FERMT3: variants seen among roughly 807,000 people sequenced by gnomAD.
FERMT3 encodes the protein FERM domain containing kindlin 3.
Under a neutral mutation model 80.8 loss-of-function variants are expected in FERMT3, and 33 were observed. The observed-to-expected ratio is 0.41, with a 90% CI of 0.31 to 0.55. The LOEUF (loss-of-function observed/expected upper bound fraction) is 0.55, where lower values mean the gene tolerates loss of function less well. Among genes scored for constraint, FERMT3 ranks in the 20% least tolerant of loss-of-function variants. The pLI is 0.31. For synonymous variants in FERMT3, 375 were observed against 372.2 expected, an observed-to-expected ratio of 1.01 and a Z score of -0.09; for missense variants, 754 against 908.7, an observed-to-expected ratio of 0.83 and a Z score of 2.19.
Position 64,211,606 on chromosome 11 carries a change from C to T in FERMT3, c.684-39C>T, listed in dbSNP as rs769195705. 6.2e-7 allele frequency: 1 copy of T among 1,601,574 alleles called. No homozygotes were observed. Among genetic ancestry groups the T allele is most frequent in the Non-Finnish European group, 8.5e-7 (1 of 1,172,406 alleles). ...CCCCCCTCCCCACCCCACGGCCGTA[C>T]CTGGCGCAGCCCTGACTGCTGCTTC... On this transcript the variant is annotated intron_variant, in intron 5 of 14. Transcript: ENST00000345728. The surrounding 1 kb of genome is among the most constrained non-coding windows in gnomAD (Gnocchi z 4.7).
Position 64,220,527 on chromosome 11 carries a change from C to A in FERMT3, c.1403C>A (p.Ala468Asp). ...AGCAGCTACACCAGCGAGGTGCAGG[C>A]CATCCTGGCCTTCCTCAGCCTGCAG... ...ADSSYTSEVQAILAFLSLQRT... is the reference protein window; with the variant it reads ...ADSSYTSEVQDILAFLSLQRT... Residue 468 changes from alanine to aspartate, a missense_variant, in exon 12 of 15, where the codon GCC becomes GAC. Coordinates refer to ENST00000345728, the MANE Select transcript of FERMT3 (RefSeq NM_031471.6). 2 of 1,607,700 alleles carry A rather than the reference C, an allele frequency of 1.2e-6. No homozygotes were observed. The highest frequency in any genetic ancestry group is 1.7e-6 in the Non-Finnish European group (2 of 1,177,472).
In FERMT3 at chr11:64,223,580, G is replaced by C; in HGVS notation, c.*88G>C. 1 of 1,453,338 alleles carries C rather than the reference G, an allele frequency of 6.9e-7. No homozygotes were observed. The highest frequency in any genetic ancestry group is 1.2e-5 in the South Asian group (1 of 82,964). 90.0% of individuals were successfully genotyped at this position (1,453,338 alleles called of 1,614,324 possible). A position where few individuals can be genotyped will look rare whatever the true frequency, so the allele number is the denominator to read the frequency against. ...CACAGGGGCTCACTGCCCCACACCCGCTCCAGGCAGGCACCCAGCTGGGCA... is the reference window on the plus strand; with the variant it reads ...CACAGGGGCTCACTGCCCCACACCCCCTCCAGGCAGGCACCCAGCTGGGCA... On this transcript the variant is annotated 3_prime_UTR_variant, in exon 15 of 15. Transcript: ENST00000345728.
At chr11:64,218,954 A>G (rs1010388783) in intron 6 of FERMT3, among the ~76,000 whole-genome samples, 1 of 152,222 alleles carries the variant, frequency 6.6e-6, no homozygotes, top group African/African-American at 2.4e-5. Flanking sequence ...GCCTTGGATT[A>G]TTTGACTTAT....
In FERMT3 at chr11:64,223,426, G is replaced by C. The variant is rs376424992; in HGVS notation, c.1926G>C (p.Arg642=). ...ACATTTTCCTGTCGACGCGGGAGCG[G>C]GCCCGTGGGGAGGAGCTGGATGAAG... ...GGYIFLSTRE[R]ARGEELDEDL... The change falls in exon 15 of 15, where the codon CGG becomes CGC. Residue 642 remains arginine, a synonymous_variant. Coordinates refer to ENST00000345728, the MANE Select transcript of FERMT3 (RefSeq NM_031471.6). 3.1e-6 allele frequency: 5 copies of C among 1,613,304 alleles called. No individual in the cohort carries two copies. In the African/African-American group the frequency reaches 6.7e-5, roughly 22 times the overall value.
At position 64,210,269 on chromosome 11, in the gene FERMT3, G is replaced by A. The variant is rs1374557069; in HGVS notation, c.161-342G>A. Among the ~76,000 whole-genome samples the A allele has an allele frequency of 1.3e-5, 2 of 152,012 alleles. No individual in the cohort carries two copies. Among genetic ancestry groups the A allele is most frequent in the Middle Eastern group, 6.3e-3 (2 of 316 alleles). ...AATGCAAGACAGAGGCTGTTAAACC[G>A]TGGATTATGGGAGGACAGAGGGGGC... On this transcript the variant is annotated intron_variant, in intron 2 of 14. Coordinates refer to ENST00000345728, the MANE Select transcript of FERMT3 (RefSeq NM_031471.6). This position sits in a 1 kb window ranked among gnomAD's most constrained non-coding sequence, Gnocchi z 4.3.
chr11:64,222,944 T>G (rs1388174099), intron 13 of FERMT3, 104 bp from the exon 14 acceptor site: 2 of 1,499,288 alleles, frequency 1.3e-6, no homozygotes, highest in African/African-American at 2.7e-5. Flanking sequence ...GCTGGTGAGC[T>G]GCAGTCGGGA....
In FERMT3 at chr11:64,210,566, A is replaced by C; in HGVS notation, c.161-45A>C. 1 of 1,581,164 alleles carries C rather than the reference A, an allele frequency of 6.3e-7. No homozygotes were observed. Among genetic ancestry groups the C allele is most frequent in the South Asian group, 1.1e-5 (1 of 90,396 alleles). On this transcript the variant is annotated intron_variant, in intron 2 of 14. Transcript: ENST00000345728. The surrounding 1 kb of genome is among the most constrained non-coding windows in gnomAD (Gnocchi z 4.3). ...TGGGGTTGTGCTGGGTGTTGGGGGCACCAGGGAGGAAGGTTGGACCCAGAT... is the reference window on the plus strand; with the variant it reads ...TGGGGTTGTGCTGGGTGTTGGGGGCCCCAGGGAGGAAGGTTGGACCCAGAT...
rs112542691 is a variant in FERMT3, at chr11:64,219,368, G to T, written c.894+10G>T. ...GTTTGCCGCCCTGCAGGTACCAGGC[G>T]GGCCTGGGGGCACCAGGGCAGGTGG... On this transcript the variant is annotated intron_variant, in intron 7 of 14. Coordinates refer to ENST00000345728, the MANE Select transcript of FERMT3 (RefSeq NM_031471.6). This position sits in a 1 kb window ranked among gnomAD's most constrained non-coding sequence, Gnocchi z 4.0. 2 of 1,584,482 alleles carry T rather than the reference G, an allele frequency of 1.3e-6. No individual in the cohort carries two copies. Among genetic ancestry groups the T allele is most frequent in the Non-Finnish European group, 1.7e-6 (2 of 1,165,942 alleles).
intron 6 of FERMT3, among the ~76,000 whole-genome samples, chr11:64,217,504 G>A (rs917168879): frequency 1.2e-4 from 19 of 152,006 alleles, no homozygotes; most frequent in Admixed American, 8.5e-4. Context: ...AGCCAAGATC[G>A]TGCCATTGTA....
chr11:64,216,264 T>C (rs561271285), intron 6 of FERMT3, among the ~76,000 whole-genome samples: 1 of 150,174 alleles, frequency 6.7e-6, no homozygotes, highest in South Asian at 2.1e-4. Context: ...TGGCAAGATC[T>C]CGGCTCACTG....
intron 6 of FERMT3, among the ~76,000 whole-genome samples, chr11:64,218,172 T>C (rs1946594061): frequency 6.6e-6 from 1 of 151,782 alleles, no homozygotes; most frequent in African/African-American, 2.4e-5. Context: ...CCTGGCTAAT[T>C]TTTTTGTATT....
chr11:64,219,599 G>T lies in FERMT3; in HGVS notation c.970G>T (p.Asp324Tyr). The change falls in exon 8 of 15, where the codon GAT becomes TAT. Residue 324 changes from aspartate to tyrosine, a missense_variant. Transcript: ENST00000345728. The surrounding 1 kb of genome is among the most constrained non-coding windows in gnomAD (Gnocchi z 4.0). ...CACAGACCCAGGGCTGGACGACCTG[G>T]ATGTGGCCCTGAGCAACCTGGAGGT... is the stretch of plus-strand genomic sequence containing the variant. ...AGTDPGLDDL[D>Y]VALSNLEVKL... 1 of 1,612,938 alleles carries T rather than the reference G, an allele frequency of 6.2e-7. No homozygotes were observed. The highest frequency in any genetic ancestry group is 8.5e-7 in the Non-Finnish European group (1 of 1,179,974).
rs781781270 is a variant in FERMT3 at position 64,221,148 on chromosome 11, C to T, written c.1670+8C>T. On this transcript the variant is annotated splice_region_variant and intron_variant, in intron 13 of 14. Coordinates refer to ENST00000345728, the MANE Select transcript of FERMT3 (RefSeq NM_031471.6). The stretch of plus-strand genomic sequence containing the variant: ...CTCCTATGTCATGGTCAGGTATGGC[C>T]CCTGGCCCAGCCCCCTGCCCAGCAC... 1.2e-6 allele frequency: 2 copies of T among 1,606,938 alleles called. No homozygotes were observed. The highest frequency in any genetic ancestry group is 1.7e-4 in the Middle Eastern group (1 of 6,034).
At chr11:64,222,716 C>T (rs1244804974) in intron 13 of FERMT3, among the ~76,000 whole-genome samples, 1 of 152,098 alleles carries the variant, frequency 6.6e-6, no homozygotes, top group African/African-American at 2.4e-5. Context: ...GGGGAGTGGG[C>T]CCCTTTGATT....
chr11:64,211,198 G>C lies in FERMT3; in HGVS notation c.514+27G>C, dbSNP rs1483233399. On this transcript the variant is annotated intron_variant, in intron 4 of 14. Transcript: ENST00000345728. This position sits in a 1 kb window ranked among gnomAD's most constrained non-coding sequence, Gnocchi z 4.7. ...TGAGTGCAAGTGGGGGTGGGCCTGG[G>C]GGGTTGGGGGCAGGGGCCGGCCCGT... The C allele has an allele frequency of 1.9e-6, 3 of 1,571,842 alleles. No individual in the cohort carries two copies. The highest frequency in any genetic ancestry group is 2.6e-6 in the Non-Finnish European group (3 of 1,159,234).
Position 64,223,445 on chromosome 11 carries a change from G to C in FERMT3, c.1945G>C (p.Asp649His). The change falls in exon 15 of 15, where the codon GAT (aspartate) becomes CAT (histidine). Residue 649 changes from aspartate (D) to histidine (H), a missense_variant. Coordinates refer to ENST00000345728, the MANE Select transcript of FERMT3 (RefSeq NM_031471.6). Reference protein sequence around the residue: ...TRERARGEELDEDLFLQLTGG... With the variant: ...TRERARGEELHEDLFLQLTGG... Reference sequence around the variant, plus strand: ...GGAGCGGGCCCGTGGGGAGGAGCTGGATGAAGACCTCTTCCTGCAGCTCAC... The same window carrying C: ...GGAGCGGGCCCGTGGGGAGGAGCTGCATGAAGACCTCTTCCTGCAGCTCAC... 1 of 1,612,846 alleles carries C rather than the reference G, an allele frequency of 6.2e-7. No homozygotes were observed. The highest frequency in any genetic ancestry group is 8.5e-7 in the Non-Finnish European group (1 of 1,180,020).
Position 64,211,525 on chromosome 11 carries a change from G to C in FERMT3, c.683+82G>C. On this transcript the variant is annotated intron_variant, in intron 5 of 14. Transcript: ENST00000345728. The surrounding 1 kb of genome is among the most constrained non-coding windows in gnomAD (Gnocchi z 4.7). ...CTGTCCCGTGTCTGTGCCCACCCCA[G>C]ATCCACACTTCGTTTCCAGGCCTTT... The C allele has an allele frequency of 6.6e-7, 1 of 1,510,822 alleles. No homozygotes were observed. The highest frequency in any genetic ancestry group is 8.9e-7 in the Non-Finnish European group (1 of 1,121,710). The allele number at this position is 1,510,822 out of a possible 1,614,324, so 93.6% of individuals were successfully genotyped here.
rs1440496856 is a variant in FERMT3, at chr11:64,223,777, C to T, written c.*285C>T. The T allele has an allele frequency of 1.1e-6, 1 of 936,294 alleles. No homozygotes were observed. Among genetic ancestry groups the T allele is most frequent in the African/African-American group, 1.7e-5 (1 of 60,070 alleles). 58.0% of individuals were successfully genotyped at this position (936,294 alleles called of 1,614,324 possible). A position where few individuals can be genotyped will look rare whatever the true frequency, so the allele number is the denominator to read the frequency against. On this transcript the variant is annotated 3_prime_UTR_variant, in exon 15 of 15. Coordinates refer to ENST00000345728, the MANE Select transcript of FERMT3 (RefSeq NM_031471.6). The stretch of plus-strand genomic sequence containing the variant: ...CTGACCTATCTGCAGTCCCCCAGCA[C>T]ACAAGGAAGACCAGATGTAGCTACA...
chr11:64,220,287 C>T lies in FERMT3; in HGVS notation c.1272C>T (p.Ser424=). ...TCTGCATTAAACTCCTAGTGCCCTCCCCTGAGGGCATGAGTGAGATCTACC... is the reference window on the plus strand; with the variant it reads ...TCTGCATTAAACTCCTAGTGCCCTCTCCTGAGGGCATGAGTGAGATCTACC... ...QKFCIKLLVP[S]PEGMSEIYLR... Residue 424 remains serine, a synonymous_variant, in exon 11 of 15, where the codon TCC becomes TCT. Transcript: ENST00000345728. The T allele has an allele frequency of 1.9e-6, 3 of 1,613,664 alleles. No individual in the cohort carries two copies. The highest frequency in any genetic ancestry group is 2.5e-6 in the Non-Finnish European group (3 of 1,179,750).
Sources: gnomAD v4.1 joint callset for allele counts (sites outside exome capture counted in the v4.1 genomes callset) on GRCh38, gnomAD v4.1.1 for gene constraint, Gnocchi (gnomAD v3.1) non-coding constraint, MANE v1.5 for transcripts, NCBI Gene and HGNC (gene_info 2026-07-23, HGNC 2026-07-21) for gene names.